The following SLC44A2 variants were observed in gnomAD, a reference collection of about 807,000 sequenced individuals.
SLC44A2 encodes solute carrier family 44 member 2 (CTL2 blood group).
SLC44A2 carries 57 observed loss-of-function variants against 90.8 expected under a neutral mutation model. The ratio of observed to expected loss-of-function variants is 0.63; its 90% CI spans 0.51 to 0.78. The LOEUF is 0.78. Among genes scored for constraint, SLC44A2 ranks in the 30% least tolerant of loss-of-function variants. SLC44A2 has a pLI of 0.00. For missense variants in SLC44A2, 794 were observed against 919.7 expected, an observed-to-expected ratio of 0.86 and a Z score of 1.77; for synonymous variants, 355 against 360.7, an observed-to-expected ratio of 0.98 and a Z score of 0.18.
At chr19:10,625,477 G>A (rs953626142), upstream of SLC44A2, 486 of 1,218,026 alleles carry the variant, frequency 4.0e-4, no homozygotes, top group Non-Finnish European at 4.8e-4. Context: ...CAGCTGCCCA[G>A]CTCGGGCCGG....
At chr19:10,605,217 C>CA (rs1568440467) in intron 1 of SLC44A2, among the ~76,000 whole-genome samples, 1 of 151,850 alleles carries the variant, frequency 6.6e-6, no homozygotes, top group African/African-American at 2.4e-5. Context: ...CCCATCTCTA[C>CA]AAAAAATAAC....
intron 1 of SLC44A2, among the ~76,000 whole-genome samples, chr19:10,614,274 T>C (rs191570116): frequency 1.4e-4 from 22 of 151,984 alleles, no homozygotes; most frequent in Admixed American, 5.2e-4. Flanking sequence ...TCCATAAATT[T>C]GTGTTTTTTT....
At chr19:10,628,482 G>A (rs1460034422) in intron 4 of SLC44A2, among the ~76,000 whole-genome samples, 1 of 151,924 alleles carries the variant, frequency 6.6e-6, no homozygotes, top group Non-Finnish European at 1.5e-5. Context: ...GAGCTGGGAG[G>A]CCAAGGCTGC....
In SLC44A2 at chr19:10,634,887, AG is replaced by A; in HGVS notation, c.955+1del. ...CTTACGGCAGACCTGGTTGGCCTTT[AG>A]TGAGTCACAGTCTCCCATTCCTGCC... On this transcript the variant is annotated splice_donor_variant, in intron 11 of 21. Transcript: ENST00000335757. LOFTEE classifies it high-confidence loss of function. The A allele has an allele frequency of 6.2e-7, 1 of 1,614,114 alleles. No homozygotes were observed. The highest frequency in any genetic ancestry group is 8.5e-7 in the Non-Finnish European group (1 of 1,180,010).
chr19:10,625,727 G>T, intron 1 of SLC44A2, 57 bp downstream of exon 1: 1 of 1,218,106 alleles, frequency 8.2e-7, no homozygotes, highest in Admixed American at 4.1e-5. Context: ...CTCGGAGGGG[G>T]CCTTGAGAGA....
Position 10,637,920 on chromosome 19 carries a change from ACAT to A in SLC44A2, c.1766_1768del (p.Ile589del). 1 of 1,614,000 alleles carries A rather than the reference ACAT, an allele frequency of 6.2e-7. No individual in the cohort carries two copies. Among genetic ancestry groups the A allele is most frequent in the Non-Finnish European group, 8.5e-7 (1 of 1,179,982 alleles). Reference sequence around the variant, plus strand: ...AATGCCTTCTTCCTGCTCATGAGAAACATCATCAGGTCGGGAATCATTATCATC... The same window carrying A: ...AATGCCTTCTTCCTGCTCATGAGAAACATCAGGTCGGGAATCATTATCATC... On this transcript the variant is annotated inframe_deletion, in exon 18 of 22. Coordinates refer to ENST00000335757, the MANE Select transcript of SLC44A2 (RefSeq NM_020428.4).
chr19:10,638,971 A>G lies in SLC44A2; in HGVS notation c.1929+656A>G, dbSNP rs529975304. On this transcript the variant is annotated intron_variant, in intron 20 of 21. Transcript: ENST00000335757. ...CGAGCCACCACGTGTGGCTAATTTT[A>G]CATTTTTAGTAGAGACGGGGTTTCT... 8.4e-4 allele frequency among the ~76,000 whole-genome samples: 127 copies of G among 152,030 alleles called. 6 individuals carry two copies. The South Asian group carries it at 0.024, about 28-fold the overall frequency.
At chr19:10,611,888 G>A (rs538096132) in intron 1 of SLC44A2, among the ~76,000 whole-genome samples, 2 of 152,174 alleles carry the variant, frequency 1.3e-5, no homozygotes, top group South Asian at 4.2e-4. Context: ...TTCTGGCAGG[G>A]GGACTAAAAG....
chr19:10,636,169 G>T, intron 14 of SLC44A2, 154 bp from the exon 15 acceptor site: 1 of 888,052 alleles, frequency 1.1e-6, no homozygotes, highest in Non-Finnish European at 1.7e-6. Context: ...CTTTGCACAA[G>T]CCATATTCTG....
chr19:10,634,997 G>A lies in SLC44A2; in HGVS notation c.979G>A (p.Val327Ile), dbSNP rs2067038163. The change falls in exon 12 of 22, where the codon GTC becomes ATC. Residue 327 changes from valine (V) to isoleucine (I), a missense_variant. This residue lies in a region of SLC44A2 where 738 missense variants were observed against 841.1 expected (regional missense o/e 0.88). Coordinates refer to ENST00000335757, the MANE Select transcript of SLC44A2 (RefSeq NM_020428.4). ...AGTGATCATTCTGAGTATCCTTGAA[G>A]TCATTATCATCTTGCTGCTCATCTT... ...AFMIILSILE[V>I]IIILLLIFLR... 6.2e-7 allele frequency: 1 copy of A among 1,614,152 alleles called. No individual in the cohort carries two copies. The highest frequency in any genetic ancestry group is 1.3e-5 in the African/African-American group (1 of 75,036).
chr19:10,617,588 C>G (rs1377626033), intron 1 of SLC44A2, among the ~76,000 whole-genome samples: 1 of 152,158 alleles, frequency 6.6e-6, no homozygotes, highest in East Asian at 1.9e-4. Flanking sequence ...GCTGAGACTC[C>G]CTCATGTGTT....
Position 10,631,907 on chromosome 19 carries a change from G to A in SLC44A2, c.666G>A (p.Met222Ile). The A allele has an allele frequency of 6.2e-7, 1 of 1,614,262 alleles. No homozygotes were observed. The highest frequency in any genetic ancestry group is 8.5e-7 in the Non-Finnish European group (1 of 1,180,046). ...NGVLEARQLA[M>I]RIFEDYTVSW... ...TCCTAGAGGCGCGGCAACTCGCCAT[G>A]CGCATATTTGAAGATTACACCGTCT... is the stretch of plus-strand genomic sequence containing the variant. Residue 222 changes from methionine (M) to isoleucine (I), a missense_variant, in exon 9 of 22, where the codon ATG (methionine) becomes ATA (isoleucine). Coordinates refer to ENST00000335757, the MANE Select transcript of SLC44A2 (RefSeq NM_020428.4).
At chr19:10,619,911 T>C (rs564893896) in intron 1 of SLC44A2, among the ~76,000 whole-genome samples, 1 of 151,934 alleles carries the variant, frequency 6.6e-6, no homozygotes, top group South Asian at 2.1e-4. Flanking sequence ...GCCAAGATCA[T>C]GCCACTGCAC....
chr19:10,626,568 C>G (rs1022102472), intron 2 of SLC44A2, among the ~76,000 whole-genome samples: 3 of 136,572 alleles, frequency 2.2e-5, no homozygotes, highest in Admixed American at 8.0e-5. Flanking sequence ...CTTGCACCAC[C>G]ACACCTGGCT....
intron 20 of SLC44A2, among the ~76,000 whole-genome samples, chr19:10,640,475 A>G (rs2144891030): frequency 6.6e-6 from 1 of 152,226 alleles, no homozygotes; most frequent in South Asian, 2.1e-4. Flanking sequence ...AACAATAATA[A>G]TAGAGGCAGT....
At chr19:10,617,937 A>G (rs2066868557) in intron 1 of SLC44A2, among the ~76,000 whole-genome samples, 1 of 152,126 alleles carries the variant, frequency 6.6e-6, no homozygotes, top group South Asian at 2.1e-4. Context: ...TGGTAGAAGT[A>G]TTCTCTTATG....
chr19:10,623,469 T>C (rs775030572), upstream of SLC44A2, among the ~76,000 whole-genome samples: 1 of 152,150 alleles, frequency 6.6e-6, no homozygotes, highest in Non-Finnish European at 1.5e-5. Context: ...ATATTCCTGC[T>C]GAGGATACCT....
At chr19:10,643,127 G>C in intron 21 of SLC44A2, 152 bp from the exon 22 acceptor site, 2 of 1,450,100 alleles carry the variant, frequency 1.4e-6, no homozygotes, top group South Asian at 2.9e-5. Flanking sequence ...GTGTCCCTCG[G>C]AGCCCACTAC....
At position 10,638,006 on chromosome 19, in the gene SLC44A2, C is replaced by T. The variant is rs1438856605; in HGVS notation, c.1770-17C>T. On this transcript the variant is annotated splice_polypyrimidine_tract_variant and intron_variant, in intron 18 of 21. Coordinates refer to ENST00000335757, the MANE Select transcript of SLC44A2 (RefSeq NM_020428.4). ...CTGAAGCCAGCATTCACACCTGCCCCTCACTGTCCCCTGCAGAGTGGCTGT... is the reference window on the plus strand; with the variant it reads ...CTGAAGCCAGCATTCACACCTGCCCTTCACTGTCCCCTGCAGAGTGGCTGT... 3 of 1,614,122 alleles carry T rather than the reference C, an allele frequency of 1.9e-6. No individual in the cohort carries two copies. Among genetic ancestry groups the T allele is most frequent in the South Asian group, 1.1e-5 (1 of 91,078 alleles).
Sources: gnomAD v4.1 joint callset for allele counts (sites outside exome capture counted in the v4.1 genomes callset) on GRCh38, gnomAD v4.1.1 for gene constraint, gnomAD v4.1.1 regional missense constraint, MANE v1.5 for transcripts, NCBI Gene and HGNC (gene_info 2026-07-23, HGNC 2026-07-21) for gene names.